Variants in LRRC9 observed in about 807,000 individuals in gnomAD.
LRRC9 encodes the protein leucine rich repeat containing 9, also known as leucine-rich repeat-containing protein 9.
In LRRC9, 122 loss-of-function variants were observed where a neutral mutation model predicts 63.2. That is an observed-to-expected ratio of 1.93 (90% CI 1.67 to 2.24). LRRC9 has a LOEUF of 2.24. LRRC9 is among the 30% of genes most tolerant of loss of function. LRRC9 has a pLI of 0.00. For synonymous variants in LRRC9, 366 were observed against 213.1 expected (o/e 1.72, Z -6.25); for missense variants, 1,071 against 627.7 (o/e 1.71, Z -7.55).
intron 15 of LRRC9, among the ~76,000 whole-genome samples, chr14:59,979,569 G>A (rs879327733): frequency 1.3e-5 from 2 of 151,998 alleles, no homozygotes; most frequent in Non-Finnish European, 1.5e-5. Context: ...TAGAGATCGC[G>A]CCACGGCATT....
intron 7 of LRRC9, among the ~76,000 whole-genome samples, chr14:59,940,548 A>G (rs1384206952): frequency 3.3e-5 from 5 of 152,126 alleles, no homozygotes; most frequent in African/African-American, 1.2e-4. Flanking sequence ...TATGGATTCA[A>G]ATCAGAAGAC....
At chr14:60,055,410 AT>A (rs78340868) in intron 30 of LRRC9, among the ~76,000 whole-genome samples, 2,801 of 152,306 alleles carry the variant, frequency 0.018, 97 homozygotes, top group East Asian at 0.15. Flanking sequence ...ACTTAAGATG[AT>A]TTCTTTCCTT....
intron 28 of LRRC9, among the ~76,000 whole-genome samples, chr14:60,028,652 A>G (rs1193555362): frequency 6.6e-6 from 1 of 152,140 alleles, no homozygotes; most frequent in African/African-American, 2.4e-5. Flanking sequence ...GAGATAGCAT[A>G]CAGATAAGAG....
At chr14:60,050,840 G>T (rs1416749853) in intron 29 of LRRC9, among the ~76,000 whole-genome samples, 1 of 152,178 alleles carries the variant, frequency 6.6e-6, no homozygotes, top group Non-Finnish European at 1.5e-5. Context: ...TAGGGCTGCT[G>T]CAGTTTGCTG....
rs73304060 is a variant in LRRC9, at chr14:59,927,651, C to T, written c.-33-260C>T. ...TTTTCTTCAAGTATTGAAGGCTCATCGTGTGGAAAAAAAGTTATACCGAGG... is the reference window on the plus strand; with the variant it reads ...TTTTCTTCAAGTATTGAAGGCTCATTGTGTGGAAAAAAAGTTATACCGAGG... On this transcript the variant is annotated intron_variant, in intron 1 of 31. Coordinates refer to ENST00000445360, the Ensembl canonical transcript of LRRC9. This position sits in a 1 kb window ranked among gnomAD's most constrained non-coding sequence, Gnocchi z 4.4. Among the ~76,000 whole-genome samples, 4,346 of 151,592 alleles carry T rather than the reference C, an allele frequency of 0.029. 158 individuals carry two copies. The highest frequency in any genetic ancestry group is 0.09 in the African/African-American group (3,731 of 41,362).
At chr14:59,997,046 C>T (rs1888871627) in intron 17 of LRRC9, among the ~76,000 whole-genome samples, 1 of 152,006 alleles carries the variant, frequency 6.6e-6, no homozygotes, top group South Asian at 2.1e-4. Flanking sequence ...ATATGTTTTA[C>T]ATAAGAAAAA....
At chr14:59,924,885 G>A (rs1489365775) in intron 1 of LRRC9, among the ~76,000 whole-genome samples, 1 of 149,348 alleles carries the variant, frequency 6.7e-6, no homozygotes, top group Non-Finnish European at 1.5e-5. Context: ...TACTCTCACT[G>A]CCCCCCATCC....
intron 1 of LRRC9, among the ~76,000 whole-genome samples, chr14:59,926,251 C>G (rs533561110): frequency 1.8e-4 from 28 of 152,156 alleles, no homozygotes; most frequent in Non-Finnish European, 3.7e-4. Flanking sequence ...TTCTGGCAAT[C>G]ATTGCTCTTT....
At chr14:59,959,003 A>C (rs960180528) in intron 8 of LRRC9, among the ~76,000 whole-genome samples, 1 of 152,046 alleles carries the variant, frequency 6.6e-6, no homozygotes, top group African/African-American at 2.4e-5. Context: ...GTAATCACCC[A>C]CCTTCTGCAT....
chr14:59,942,978 T>C lies in LRRC9; in HGVS notation c.727-1611T>C, dbSNP rs890491925. Among the ~76,000 whole-genome samples, 1 of 151,902 alleles carries C rather than the reference T, an allele frequency of 6.6e-6. No homozygotes were observed. Among genetic ancestry groups the C allele is most frequent in the Non-Finnish European group, 1.5e-5 (1 of 67,958 alleles). On this transcript the variant is annotated intron_variant, in intron 7 of 31. Coordinates refer to ENST00000445360, the Ensembl canonical transcript of LRRC9. The surrounding 1 kb of genome is among the most constrained non-coding windows in gnomAD (Gnocchi z 5.3). ...TGGTTGGATTATTTGTGTGTGTGTG[T>C]TTCATTTGTGTGTGCGTATGTGTTG...
chr14:60,059,114 C>T (rs1186159051), intron 31 of LRRC9: 2 of 152,060 alleles, frequency 1.3e-5, no homozygotes, highest in African/African-American at 2.4e-5. Flanking sequence ...ACTTCCTTCT[C>T]AGGTAAAAGC....
intron 14 of LRRC9, 141 bp from the exon 15 acceptor site, chr14:59,977,876 T>C (rs192253012): frequency 2.0e-6 from 1 of 511,312 alleles, no homozygotes; most frequent in African/African-American, 1.9e-5. Context: ...GTTATTTATT[T>C]AAAAATGAAA....
At chr14:60,025,672 T>C (rs915524129) in intron 27 of LRRC9, among the ~76,000 whole-genome samples, 1 of 144,484 alleles carries the variant, frequency 6.9e-6, no homozygotes, top group African/African-American at 2.7e-5. Flanking sequence ...TTGTTACATA[T>C]ATTTTACAAA....
At chr14:60,007,955 A>G in intron 22 of LRRC9, 137 bp from the exon 23 acceptor site, 1 of 437,454 alleles carries the variant, frequency 2.3e-6, no homozygotes, top group East Asian at 3.6e-5. Flanking sequence ...AAAAAAAAAA[A>G]AAAAAAAGTA....
At chr14:60,028,301 C>T (rs1891715571) in intron 28 of LRRC9, among the ~76,000 whole-genome samples, 200 bp downstream of exon 28, 1 of 152,074 alleles carries the variant, frequency 6.6e-6, no homozygotes, top group African/African-American at 2.4e-5. Flanking sequence ...CTGGACAAAG[C>T]AACATGCACA....
rs1442314329 is a variant in LRRC9, at chr14:60,008,079, T to C, written c.3064-13T>C. On this transcript the variant is annotated splice_polypyrimidine_tract_variant and intron_variant, in intron 22 of 31. Transcript: ENST00000445360. ...ATATACATATAGATGAATATATGTA[T>C]TTTATTACCTAGGGTTTATGCAACT... 2 of 669,180 alleles carry C rather than the reference T, an allele frequency of 3.0e-6. No homozygotes were observed. Among genetic ancestry groups the C allele is most frequent in the Admixed American group, 4.5e-5 (2 of 44,592 alleles). The allele number at this position is 669,180 out of a possible 1,614,324, so 41.5% of individuals were successfully genotyped here.
chr14:60,033,217 T>C (rs1170261741), intron 29 of LRRC9, among the ~76,000 whole-genome samples: 1 of 152,156 alleles, frequency 6.6e-6, no homozygotes, highest in Admixed American at 6.6e-5. Flanking sequence ...ATTCTAATGG[T>C]TTGTAAATTT....
intron 30 of LRRC9, among the ~76,000 whole-genome samples, chr14:60,054,852 C>G (rs1490333117): frequency 3.3e-5 from 5 of 152,068 alleles, no homozygotes; most frequent in African/African-American, 1.2e-4. Flanking sequence ...ACCTCTGCCT[C>G]CTGGGTTCAG....
chr14:59,992,121 A>C (rs1403928404), intron 17 of LRRC9, among the ~76,000 whole-genome samples: 3 of 152,190 alleles, frequency 2.0e-5, no homozygotes, highest in African/African-American at 7.2e-5. Context: ...AAACTTCCAG[A>C]GGAATAATCA....
Sources: gnomAD v4.1 joint callset for allele counts (sites outside exome capture counted in the v4.1 genomes callset) on GRCh38, gnomAD v4.1.1 for gene constraint, Gnocchi (gnomAD v3.1) non-coding constraint, MANE v1.5 for transcripts, NCBI Gene and HGNC (gene_info 2026-07-23, HGNC 2026-07-21) for gene names.